Variants in NKAIN4 observed in about 807,000 individuals in gnomAD.
NKAIN4 encodes the protein sodium/potassium transporting ATPase interacting 4.
Under a neutral mutation model 28.8 loss-of-function variants are expected in NKAIN4, and 28 were observed. The ratio of observed to expected loss-of-function variants is 0.97; its 90% CI spans 0.72 to 1.33. The LOEUF (loss-of-function observed/expected upper bound fraction) is 1.33. Among genes scored for constraint, NKAIN4 ranks in the 40% most tolerant of loss-of-function variants. The probability of loss-of-function intolerance (pLI) is 0.00; values close to 1 mark genes in which losing one functional copy is unlikely to be tolerated. For missense variants in NKAIN4, 289 were observed against 277.2 expected, an observed-to-expected ratio of 1.04 and a Z score of -0.30; for synonymous variants, 122 against 115.6, an observed-to-expected ratio of 1.06 and a Z score of -0.36.
intron 1 of NKAIN4, chr20:63,253,236 C>T (rs1264491934): frequency 3.0e-6 from 3 of 985,342 alleles, no homozygotes; most frequent in Admixed American, 6.1e-5. Flanking sequence ...ACCAACTGTT[C>T]CAAGGCCTGG....
chr20:63,244,002 C>T, intron 5 of NKAIN4, 22 bp downstream of exon 5: 1 of 1,605,460 alleles, frequency 6.2e-7, no homozygotes, highest in South Asian at 1.1e-5. Flanking sequence ...CGCCCCACTG[C>T]CTGCAGAGGC....
chr20:63,243,590 C>A (rs569360807), intron 5 of NKAIN4, among the ~76,000 whole-genome samples: 1 of 152,186 alleles, frequency 6.6e-6, no homozygotes, highest in Non-Finnish European at 1.5e-5. Flanking sequence ...GACGGGCTGG[C>A]GAGCAAAGGG....
At chr20:63,243,619 G>C (rs1473468099) in intron 5 of NKAIN4, among the ~76,000 whole-genome samples, 1 of 152,162 alleles carries the variant, frequency 6.6e-6, no homozygotes, top group East Asian at 1.9e-4. Flanking sequence ...ACCCTGCCCA[G>C]ATGGGTCCAG....
In NKAIN4 at chr20:63,249,981, A is replaced by G. The variant is rs751968916; in HGVS notation, c.146T>C (p.Leu49Pro). 1 of 1,613,302 alleles carries G rather than the reference A, an allele frequency of 6.2e-7. No homozygotes were observed. The highest frequency in any genetic ancestry group is 1.7e-5 in the Admixed American group (1 of 59,990). ...GTACTGGATGGTGCCGAAGAGTCCC[A>G]GGATGACGATGATGATGTGGACAAA... ...ANFVHIIIVI[L>P]GLFGTIQYRL... Residue 49 changes from leucine to proline, a missense_variant, in exon 2 of 7, where the codon CTG becomes CCG. Transcript: ENST00000370316.
At chr20:63,250,791 G>T (rs2066943820) in intron 1 of NKAIN4, among the ~76,000 whole-genome samples, 1 of 152,128 alleles carries the variant, frequency 6.6e-6, no homozygotes, top group South Asian at 2.1e-4. Flanking sequence ...GACGCTAACT[G>T]CAGGGACTGG....
chr20:63,241,445 G>C lies in NKAIN4; in HGVS notation c.*52C>G. ...CCTGGGAGCTCCTGTCATTGTCACT[G>C]GTCGGTCGCTGAGGCTGGAGGCCAC... On this transcript the variant is annotated 3_prime_UTR_variant, in exon 7 of 7. Transcript: ENST00000370316. 6.5e-7 allele frequency: 1 copy of C among 1,548,384 alleles called. No individual in the cohort carries two copies. The highest frequency in any genetic ancestry group is 1.4e-5 in the African/African-American group (1 of 73,010).
rs1370156693 is a variant in NKAIN4, at chr20:63,248,897, T to C, written c.193-2A>G. On this transcript the variant is annotated splice_acceptor_variant, in intron 2 of 6. Coordinates refer to ENST00000370316, the MANE Select transcript of NKAIN4 (RefSeq NM_152864.4). LOFTEE classifies it high-confidence loss of function. The stretch of plus-strand genomic sequence containing the variant: ...CCAGACGGCTGCCCACAGCGTGTAC[T>C]AGGGAGAGGAGAGGATGGGGCGGCA... 6 of 1,609,218 alleles carry C rather than the reference T, an allele frequency of 3.7e-6. No individual in the cohort carries two copies. Among genetic ancestry groups the C allele is most frequent in the Non-Finnish European group, 5.1e-6 (6 of 1,177,030 alleles).
Position 63,250,085 on chromosome 20 carries a change from C to T in NKAIN4, c.55-13G>A, listed in dbSNP as rs368443571. On this transcript the variant is annotated splice_polypyrimidine_tract_variant and intron_variant, in intron 1 of 6. Coordinates refer to ENST00000370316, the MANE Select transcript of NKAIN4 (RefSeq NM_152864.4). ...CCAGGGCGGCGACCTAGGAGCAGGG[C>T]GGGCGCCATGAAGGGTGGACCCGAG... is the stretch of plus-strand genomic sequence containing the variant. 3.0e-5 allele frequency: 47 copies of T among 1,554,670 alleles called. No homozygotes were observed. Among genetic ancestry groups the T allele is most frequent in the African/African-American group, 9.6e-5 (7 of 73,202 alleles).
Position 63,244,027 on chromosome 20 carries a change from T to C in NKAIN4, c.529A>G (p.Ser177Gly). 6.2e-7 allele frequency: 1 copy of C among 1,613,008 alleles called. No homozygotes were observed. The highest frequency in any genetic ancestry group is 1.1e-5 in the South Asian group (1 of 90,856). The part of the protein sequence containing the change: ...VVSVFTEEED[S>G]FDFIGGFDPF... ...CCTGCAGAGGCCCCATACTCACAGC[T>C]GTCCTCTTCCTCCGTAAACACGCTG... The change falls in exon 5 of 7, where the codon AGC becomes GGC. Residue 177 changes from serine (S) to glycine (G), a missense_variant. Ser to Gly is a moderately conservative substitution (Grantham distance 56). Transcript: ENST00000370316.
Position 63,244,066 on chromosome 20 carries a change from C to A in NKAIN4, c.490G>T (p.Gly164Cys). The A allele has an allele frequency of 2.5e-6, 4 of 1,613,834 alleles. No homozygotes were observed. Among genetic ancestry groups the A allele is most frequent in the Non-Finnish European group, 3.4e-6 (4 of 1,179,872 alleles). The change falls in exon 5 of 7, where the codon GGC becomes TGC. Residue 164 changes from glycine to cysteine, a missense_variant. Physicochemically the swap from Gly to Cys is radical, Grantham distance 159. Transcript: ENST00000370316. ...ILIALLGFVC[G>C]CQVVSVFTEE... is the part of the protein sequence containing the mutation. ...GTAAACACGCTGACCACCTGGCAGC[C>A]ACAGACAAAGCCCAGAAGCTGAAAG... is the stretch of plus-strand genomic sequence containing the variant.
At chr20:63,254,148 G>C in intron 1 of NKAIN4, 1 of 430,136 alleles carries the variant, frequency 2.3e-6, no homozygotes, top group Non-Finnish European at 4.1e-6. Flanking sequence ...ACCTGTCCCC[G>C]CCGCTCCGGA....
Position 63,247,729 on chromosome 20 carries a change from C to A in NKAIN4, c.320G>T (p.Trp107Leu). 1 of 1,495,152 alleles carries A rather than the reference C, an allele frequency of 6.7e-7. No individual in the cohort carries two copies. 92.6% of individuals were successfully genotyped at this position (1,495,152 alleles called of 1,614,324 possible). Reference sequence around the variant, plus strand: ...CAGACAGCCTGGCCAGCGCTCACGCCACCAGGAGCGATGCCGGGAGAGGCT... The same window carrying A: ...CAGACAGCCTGGCCAGCGCTCACGCAACCAGGAGCGATGCCGGGAGAGGCT... The part of the protein sequence containing the change: ...TFSLSRHRSW[W>L]RERWPGCLHE... Residue 107 changes from tryptophan to leucine, a missense_variant, in exon 4 of 7, where the codon TGG becomes TTG. Coordinates refer to ENST00000370316, the MANE Select transcript of NKAIN4 (RefSeq NM_152864.4).
intron 3 of NKAIN4, 29 bp from the exon 4 acceptor site, chr20:63,247,804 G>A (rs770179309): frequency 2.2e-5 from 31 of 1,427,226 alleles, no homozygotes; most frequent in Non-Finnish European, 2.7e-5. Flanking sequence ...AGCAGGGCCG[G>A]TTAGCACCAG....
At chr20:63,244,335 T>A (rs1393263083) in intron 4 of NKAIN4, 9 of 568,804 alleles carry the variant, frequency 1.6e-5, no homozygotes, top group Non-Finnish European at 2.9e-5. Context: ...TGGGTGAGGA[T>A]AATGGATATT....
intron 1 of NKAIN4, chr20:63,253,573 C>G: frequency 2.1e-6 from 2 of 944,840 alleles, no homozygotes; most frequent in South Asian, 4.9e-5. Context: ...GACGGGAGAC[C>G]CAGGGCCAAT....
At chr20:63,253,213 C>T in intron 1 of NKAIN4, 2 of 985,524 alleles carry the variant, frequency 2.0e-6, no homozygotes, top group South Asian at 9.4e-5. Context: ...TGAGGAGCCA[C>T]TCACTGAAAG....
Position 63,241,419 on chromosome 20 carries a change from G to A in NKAIN4, c.*78C>T, listed in dbSNP as rs2066748685. ...GTGCTGGGTGGGGGCGCGTCCCAAG[G>A]CCTGGGAGCTCCTGTCATTGTCACT... is the stretch of plus-strand genomic sequence containing the variant. On this transcript the variant is annotated 3_prime_UTR_variant, in exon 7 of 7. Transcript: ENST00000370316. 6.6e-7 allele frequency: 1 copy of A among 1,508,040 alleles called. No homozygotes were observed. The highest frequency in any genetic ancestry group is 9.0e-7 in the Non-Finnish European group (1 of 1,108,680). 93.4% of individuals were successfully genotyped at this position (1,508,040 alleles called of 1,614,324 possible).
At position 63,241,289 on chromosome 20, in the gene NKAIN4, A is replaced by C; in HGVS notation, c.*208T>G. On this transcript the variant is annotated 3_prime_UTR_variant, in exon 7 of 7. Coordinates refer to ENST00000370316, the MANE Select transcript of NKAIN4 (RefSeq NM_152864.4). The stretch of plus-strand genomic sequence containing the variant: ...CTTTTTTTTTTTTAAGAGAAAGGAA[A>C]TTACAAACTCTCTTGACGCTGCAGC... 3.7e-6 allele frequency: 2 copies of C among 543,728 alleles called. No individual in the cohort carries two copies. The highest frequency in any genetic ancestry group is 3.2e-5 in the East Asian group (1 of 31,242). 33.7% of individuals were successfully genotyped at this position (543,728 alleles called of 1,614,324 possible).
At chr20:63,242,863 T>G in intron 5 of NKAIN4, among the ~76,000 whole-genome samples, 1 of 139,686 alleles carries the variant, frequency 7.2e-6, no homozygotes, top group Admixed American at 7.1e-5. Context: ...ACAGCCCGGA[T>G]CTTCAGCCTG....
Sources: gnomAD v4.1 joint callset for allele counts (sites outside exome capture counted in the v4.1 genomes callset) on GRCh38, gnomAD v4.1.1 for gene constraint, MANE v1.5 for transcripts, NCBI Gene and HGNC (gene_info 2026-07-23, HGNC 2026-07-21) for gene names.